The following ZBBX variants were observed in gnomAD, a reference collection of about 807,000 sequenced individuals.
The protein encoded by ZBBX is zinc finger B-box domain-containing protein 1.
In ZBBX, 101 loss-of-function variants were observed where a neutral mutation model predicts 108.5. The observed-to-expected ratio is 0.93, with a 90% CI of 0.79 to 1.10. The LOEUF is 1.10. Ranked by LOEUF, ZBBX falls within the 50% of genes least tolerant of loss-of-function variation. ZBBX has a pLI of 0.00. For missense variants in ZBBX, 1,009 were observed against 941.4 expected (o/e 1.07, Z -0.94); for synonymous variants, 356 against 323.4 (o/e 1.10, Z -1.08).
chr3:167,189,347 C>A, the ZBBX span, among the ~76,000 whole-genome samples: 2 of 152,114 alleles, frequency 1.3e-5, no homozygotes, highest in African/African-American at 4.8e-5. Context: ...CTTACACTCA[C>A]CCCAGTTAAT....
chr3:167,308,272 C>A (rs4955601), intron 16 of ZBBX, among the ~76,000 whole-genome samples: 55,158 of 151,994 alleles, frequency 0.36, 10,521 homozygotes, highest in Non-Finnish European at 0.43. Context: ...CATCTCACAC[C>A]AGTCAGAATG....
At chr3:167,239,023 T>C (rs190677725), downstream of ZBBX, among the ~76,000 whole-genome samples, 513 of 152,140 alleles carry the variant, frequency 3.4e-3, 3 homozygotes, top group Admixed American at 7.2e-3. Context: ...TATCAGTTGA[T>C]CTATCTATAG....
chr3:167,345,636 G>A (rs1043694103), intron 9 of ZBBX, among the ~76,000 whole-genome samples: 8 of 151,686 alleles, frequency 5.3e-5, no homozygotes, highest in South Asian at 2.1e-4. Flanking sequence ...AAGGAACTGC[G>A]TTTCTCAACT....
the ZBBX span, among the ~76,000 whole-genome samples, chr3:167,191,177 C>A: frequency 3.3e-5 from 5 of 152,176 alleles, no homozygotes; most frequent in African/African-American, 1.2e-4. Flanking sequence ...TTTGTCACAT[C>A]CAGTCTCTAA....
In ZBBX at chr3:167,282,052, A is replaced by G. The variant is rs546176271; in HGVS notation, c.2254+186T>C. Among the ~76,000 whole-genome samples the G allele has an allele frequency of 2.6e-5, 4 of 152,320 alleles. No individual in the cohort carries two copies. The East Asian group carries it at 7.7e-4, about 29-fold the overall frequency. On this transcript the variant is annotated intron_variant, in intron 20 of 21. Transcript: ENST00000675490. ...CTTTGGTGTGGCTGGGCATCCACAC[A>G]TTTTTAAACATATTCAGAGTGATAT...
chr3:167,400,057 A>C (rs2419134), intron 1 of ZBBX, among the ~76,000 whole-genome samples: 12,361 of 152,226 alleles, frequency 0.081, 786 homozygotes, highest in African/African-American at 0.17. Context: ...ATGGCCGCAT[A>C]GTATTCCGTA....
At chr3:167,339,811 C>T (rs904169924) in intron 9 of ZBBX, among the ~76,000 whole-genome samples, 2 of 151,980 alleles carry the variant, frequency 1.3e-5, no homozygotes, top group African/African-American at 4.8e-5. Context: ...TAATGTTCTC[C>T]CTCTCCTTGC....
intron 17 of ZBBX, among the ~76,000 whole-genome samples, chr3:167,301,725 A>C (rs1732704985): frequency 6.6e-6 from 1 of 152,160 alleles, no homozygotes; most frequent in Admixed American, 6.5e-5. Context: ...TGGGAGGCCA[A>C]GGCGGTTGGA....
chr3:167,201,210 A>C, the ZBBX span, among the ~76,000 whole-genome samples: 2 of 152,230 alleles, frequency 1.3e-5, no homozygotes, highest in East Asian at 1.9e-4. Context: ...GACAAAGTTT[A>C]TATTTTGTTC....
rs895433079 is a variant in ZBBX, at chr3:167,398,382, G to T, written c.-446+9344C>A. On this transcript the variant is annotated intron_variant, in intron 1 of 21. Transcript: ENST00000455345. The stretch of plus-strand genomic sequence containing the variant: ...TAAAAAGGCATAAGATTCTTTAAAG[G>T]GCCCAATAACATTGTCAATAATATG... Among the ~76,000 whole-genome samples, 18 of 151,982 alleles carry T rather than the reference G, an allele frequency of 1.2e-4. No homozygotes were observed. In the East Asian group the frequency reaches 3.3e-3, roughly 28 times the overall value.
In ZBBX at chr3:167,399,001, G is replaced by A. The variant is rs529648853; in HGVS notation, c.-446+8725C>T. 1.2e-4 allele frequency among the ~76,000 whole-genome samples: 18 copies of A among 150,864 alleles called. 1 individual carries two copies. Among genetic ancestry groups the A allele is most frequent in the South Asian group, 1.1e-3 (5 of 4,716 alleles). On this transcript the variant is annotated intron_variant, in intron 1 of 21. Coordinates refer to the ZBBX transcript ENST00000455345. ...AGAAAGAACTGAGCTAACAATTAGCGTGCTCAGCCCCCTCACCATGTGATG... is the reference window on the plus strand; with the variant it reads ...AGAAAGAACTGAGCTAACAATTAGCATGCTCAGCCCCCTCACCATGTGATG...
chr3:167,251,187 C>T (rs1000230271), intron 20 of ZBBX, among the ~76,000 whole-genome samples: 1 of 152,128 alleles, frequency 6.6e-6, no homozygotes, highest in Non-Finnish European at 1.5e-5. Flanking sequence ...TTCTGGCTCC[C>T]CCAGTGGTGG....
At chr3:167,350,343 C>A in intron 9 of ZBBX, 77 bp downstream of exon 9, 1 of 1,133,278 alleles carries the variant, frequency 8.8e-7, no homozygotes, top group South Asian at 1.7e-5. Flanking sequence ...TTCTAGATAA[C>A]TAAAGACATT....
chr3:167,396,051 C>T (rs1266285029), intron 1 of ZBBX, among the ~76,000 whole-genome samples: 2 of 151,970 alleles, frequency 1.3e-5, no homozygotes, highest in East Asian at 1.9e-4. Context: ...GGCATGATTG[C>T]GGAATTCATT....
chr3:167,248,735 C>T, intron 20 of ZBBX: 1 of 439,578 alleles, frequency 2.3e-6, no homozygotes, highest in Non-Finnish European at 4.6e-6. Context: ...ACCAACTAAA[C>T]CCCCCACCTC....
At chr3:167,368,651 T>G (rs1745707411) in intron 4 of ZBBX, 77 bp from the exon 5 acceptor site, 1 of 1,346,944 alleles carries the variant, frequency 7.4e-7, no homozygotes, top group Non-Finnish European at 9.7e-7. Context: ...CTTTTCCTGT[T>G]AAATTAGAAT....
intron 18 of ZBBX, among the ~76,000 whole-genome samples, chr3:167,295,752 TATATATAAAA>T (rs1411006449): frequency 0.22 from 3,378 of 15,560 alleles, 548 homozygotes; most frequent in African/African-American, 0.43. Flanking sequence ...TATATATATA[TATATATAAAA>T]AAAACTAGTA....
chr3:167,330,652 G>A (rs1385093629), intron 10 of ZBBX, among the ~76,000 whole-genome samples: 1 of 151,654 alleles, frequency 6.6e-6, no homozygotes, highest in Non-Finnish European at 1.5e-5. Flanking sequence ...AGTTACACAG[G>A]AGGCTGTGGT....
At chr3:167,214,128 T>G in the ZBBX span, among the ~76,000 whole-genome samples, 3 of 152,020 alleles carry the variant, frequency 2.0e-5, no homozygotes, top group Non-Finnish European at 4.4e-5. Context: ...ACCACGCAAG[T>G]AAGCCAACAT....
Sources: allele counts gnomAD v4.1 joint callset (sites outside exome capture counted in the v4.1 genomes callset), GRCh38; gene constraint gnomAD v4.1.1; transcripts MANE v1.5; gene names NCBI Gene and HGNC (gene_info 2026-07-23, HGNC 2026-07-21).